Variants in KLHL4 observed in about 807,000 individuals in gnomAD.
The protein encoded by KLHL4 is kelch like family member 4.
In KLHL4, 17 loss-of-function variants were observed where a neutral mutation model predicts 45.8. The ratio of observed to expected loss-of-function variants is 0.37; its 90% CI spans 0.25 to 0.56. The LOEUF (loss-of-function observed/expected upper bound fraction) is 0.56, where lower values mean the gene tolerates loss of function less well. KLHL4 is among the 20% of genes least tolerant of loss of function. KLHL4 has a pLI of 0.79. For missense variants in KLHL4, 544 were observed against 544.9 expected (o/e 1.00, Z 0.02); for synonymous variants, 224 against 189.9 (o/e 1.18, Z -1.47).
chrX:87,622,785 C>T (rs1002118363), intron 5 of KLHL4, among the ~76,000 whole-genome samples: 1 of 110,363 alleles, frequency 9.1e-6, no homozygotes, highest in Non-Finnish European at 1.9e-5. Context: ...AGAGGAGAGT[C>T]TAGGAAGGAG....
At position 87,518,103 on chromosome X, in the gene KLHL4, C is replaced by T; in HGVS notation, c.210C>T (p.His70=). The change falls in exon 1 of 11, where the codon CAC becomes CAT. Residue 70 remains histidine (H), a synonymous_variant. Transcript: ENST00000373119. ...TGAAGAAAAGCAACAGTCCTGTCCA[C>T]CACAATATACTGGCACCAGTGCCAG... ...NGLKKSNSPV[H]HNILAPVPGP... is the part of the protein sequence containing the mutation. 1.7e-6 allele frequency: 2 copies of T among 1,211,673 alleles called. No individual in the cohort carries two copies. The highest frequency in any genetic ancestry group is 1.8e-5 in the South Asian group (1 of 56,994).
chrX:87,557,576 A>C (rs1252013208), intron 1 of KLHL4, among the ~76,000 whole-genome samples: 1 of 110,251 alleles, frequency 9.1e-6, no homozygotes, highest in Non-Finnish European at 1.9e-5. Context: ...TAACAATGTA[A>C]TTAATCTTTA....
chrX:87,556,078 G>T (rs1221150697), intron 1 of KLHL4, among the ~76,000 whole-genome samples: 4 of 110,986 alleles, frequency 3.6e-5, no homozygotes, highest in Non-Finnish European at 7.6e-5. Context: ...ACTGTAGTCT[G>T]AGAGACAGTT....
rs980279174 is a variant in KLHL4 at position 87,669,347 on chromosome X, C to T, written c.*2813C>T. On this transcript the variant is annotated 3_prime_UTR_variant, in exon 11 of 11. Coordinates refer to ENST00000373119, the MANE Select transcript of KLHL4 (RefSeq NM_019117.5). ...TCCACAGAGCATGCAAGAACTTCTA[C>T]AAAACTTCTATACCACACAGAAGCT... is the stretch of plus-strand genomic sequence containing the variant. 3 of 1,205,293 alleles carry T rather than the reference C, an allele frequency of 2.5e-6. No individual in the cohort carries two copies. Among genetic ancestry groups the T allele is most frequent in the Non-Finnish European group, 1.1e-6 (1 of 891,915 alleles).
At chrX:87,559,896 C>T (rs1008872595) in intron 1 of KLHL4, among the ~76,000 whole-genome samples, 2 of 111,102 alleles carry the variant, frequency 1.8e-5, no homozygotes, top group East Asian at 2.8e-4. Flanking sequence ...ATACTATATC[C>T]AATAAGCCAT....
chrX:87,597,917 T>A (rs1217241275), intron 1 of KLHL4, among the ~76,000 whole-genome samples: 1 of 110,660 alleles, frequency 9.0e-6, no homozygotes, highest in South Asian at 3.8e-4. Flanking sequence ...TGCAGAGAGA[T>A]CATCTCAATG....
At chrX:87,519,081 C>T (rs1474873624) in intron 1 of KLHL4, among the ~76,000 whole-genome samples, 1 of 111,704 alleles carries the variant, frequency 9.0e-6, no homozygotes, top group African/African-American at 3.2e-5. Context: ...AAGAAAATTA[C>T]ATTCTGTTCT....
At chrX:87,523,724 A>C (rs1374286725) in intron 1 of KLHL4, among the ~76,000 whole-genome samples, 1 of 111,616 alleles carries the variant, frequency 9.0e-6, no homozygotes, top group Non-Finnish European at 1.9e-5. Context: ...GCACTTTGGG[A>C]GGCCGAGGCA....
At chrX:87,624,845 G>A (rs1297608914) in intron 5 of KLHL4, among the ~76,000 whole-genome samples, 1 of 112,155 alleles carries the variant, frequency 8.9e-6, no homozygotes, top group African/African-American at 3.2e-5. Context: ...AGTTACTAAG[G>A]CATGTATCTC....
chrX:87,610,449 G>T (rs781642148), intron 1 of KLHL4, among the ~76,000 whole-genome samples: 1 of 111,696 alleles, frequency 9.0e-6, no homozygotes, highest in Admixed American at 9.5e-5. Context: ...GGTAGTATTT[G>T]GGTATCAGGA....
chrX:87,621,058 C>T (rs1922731507), intron 4 of KLHL4, among the ~76,000 whole-genome samples: 1 of 111,888 alleles, frequency 8.9e-6, no homozygotes. Flanking sequence ...TCAGAGCTTT[C>T]TGATGGGTGT....
intron 1 of KLHL4, among the ~76,000 whole-genome samples, chrX:87,611,585 T>C (rs780693556): frequency 1.8e-5 from 2 of 110,952 alleles, no homozygotes; most frequent in East Asian, 5.6e-4. Context: ...TATAAAAAAG[T>C]ATACCACATA....
At chrX:87,571,908 T>C (rs112088069) in intron 1 of KLHL4, among the ~76,000 whole-genome samples, 198 of 111,085 alleles carry the variant, frequency 1.8e-3, no homozygotes, top group African/African-American at 6.2e-3. Context: ...CACTTAACAA[T>C]GTATGTTTAC....
At chrX:87,596,134 T>C (rs1476510385) in intron 1 of KLHL4, among the ~76,000 whole-genome samples, 2 of 111,622 alleles carry the variant, frequency 1.8e-5, no homozygotes, top group Non-Finnish European at 3.8e-5. Flanking sequence ...CCACCATAAA[T>C]AAGTTTCCCG....
chrX:87,624,648 C>G (rs1042305894), intron 5 of KLHL4, among the ~76,000 whole-genome samples: 1 of 111,298 alleles, frequency 9.0e-6, no homozygotes, highest in African/African-American at 3.3e-5. Context: ...ACTGTGGACC[C>G]AAAACTCCAA....
intron 1 of KLHL4, among the ~76,000 whole-genome samples, chrX:87,565,174 A>C (rs1932179225): frequency 8.9e-6 from 1 of 111,982 alleles, no homozygotes; most frequent in Admixed American, 9.5e-5. Flanking sequence ...GTGATTAGAT[A>C]CGATTTTATA....
rs187372365 is a variant in KLHL4, at chrX:87,607,818, C to T, written c.423-6059C>T. 8.1e-5 allele frequency among the ~76,000 whole-genome samples: 9 copies of T among 111,690 alleles called. No homozygotes were observed. In the East Asian group the frequency reaches 2.5e-3, roughly 32 times the overall value. ...AGAAGTCACCAGAGATGACCTCAAA[C>T]CCCTTTCCTAATAACATGCATTCTT... On this transcript the variant is annotated intron_variant, in intron 1 of 10. Transcript: ENST00000373119.
intron 5 of KLHL4, among the ~76,000 whole-genome samples, chrX:87,624,634 T>A (rs1922863564): frequency 9.0e-6 from 1 of 111,533 alleles, no homozygotes; most frequent in Non-Finnish European, 1.9e-5. Flanking sequence ...CAATGTCCCA[T>A]GATACTGTGG....
chrX:87,625,826 A>G, intron 6 of KLHL4, 30 bp downstream of exon 6: 1 of 1,094,089 alleles, frequency 9.1e-7, no homozygotes, highest in East Asian at 3.0e-5. Context: ...TCTTCATTCA[A>G]AAAAGATACA....
Sources: gnomAD v4.1 joint callset for allele counts (sites outside exome capture counted in the v4.1 genomes callset) on GRCh38, gnomAD v4.1.1 for gene constraint, MANE v1.5 for transcripts, NCBI Gene and HGNC (gene_info 2026-07-23, HGNC 2026-07-21) for gene names.